The following KCND2 variants were observed in gnomAD, a reference collection of about 807,000 sequenced individuals.
The protein encoded by KCND2 is A-type voltage-gated potassium channel KCND2.
In KCND2, 16 loss-of-function variants were observed where a neutral mutation model predicts 54.4. That is an observed-to-expected ratio of 0.29 (90% CI 0.20 to 0.45). The LOEUF (loss-of-function observed/expected upper bound fraction) is 0.45. KCND2 is among the 20% of genes least tolerant of loss of function. The probability of loss-of-function intolerance (pLI) is 1.00; values close to 1 mark genes in which losing one functional copy is unlikely to be tolerated. For missense variants in KCND2, 486 were observed against 824.2 expected (o/e 0.59, Z 5.02); for synonymous variants, 317 against 310.7 (o/e 1.02, Z -0.21).
intron 1 of KCND2, among the ~76,000 whole-genome samples, chr7:120,713,243 A>G (rs1391950995): frequency 6.6e-6 from 1 of 152,158 alleles, no homozygotes; most frequent in East Asian, 1.9e-4. Context: ...ACCTTCATGC[A>G]CCAACTCAGC....
intron 1 of KCND2, among the ~76,000 whole-genome samples, chr7:120,607,782 TA>T (rs1222636863): frequency 6.6e-6 from 1 of 152,096 alleles, no homozygotes; most frequent in Non-Finnish European, 1.5e-5. Context: ...GTGTAAATTC[TA>T]GATATAGCAT....
chr7:120,608,429 G>T (rs1056710698), intron 1 of KCND2, among the ~76,000 whole-genome samples: 5 of 152,046 alleles, frequency 3.3e-5, no homozygotes, highest in Non-Finnish European at 5.9e-5. Context: ...AAAATGTAAT[G>T]GTATTGCCAC....
At chr7:120,314,172 C>A (rs1189245945) in intron 1 of KCND2, among the ~76,000 whole-genome samples, 1 of 151,448 alleles carries the variant, frequency 6.6e-6, no homozygotes, top group Non-Finnish European at 1.5e-5. Context: ...GAGAAATATT[C>A]AGATTCAGTG....
At chr7:120,359,598 A>G (rs1800563682) in intron 1 of KCND2, among the ~76,000 whole-genome samples, 1 of 152,164 alleles carries the variant, frequency 6.6e-6, no homozygotes, top group Non-Finnish European at 1.5e-5. Context: ...TACCAACTAT[A>G]AATTAAGAAG....
intron 1 of KCND2, among the ~76,000 whole-genome samples, chr7:120,674,869 T>C (rs969699049): frequency 6.6e-6 from 1 of 152,162 alleles, no homozygotes; most frequent in Non-Finnish European, 1.5e-5. Flanking sequence ...AAAAGTAAAA[T>C]AGTAAAGTAT....
intron 1 of KCND2, among the ~76,000 whole-genome samples, chr7:120,493,689 T>G (rs1192079368): frequency 6.6e-6 from 1 of 152,054 alleles, no homozygotes; most frequent in African/African-American, 2.4e-5. Flanking sequence ...ACCTGCTTGA[T>G]TTGCAAAAAT....
chr7:120,362,470 C>T (rs539199218), intron 1 of KCND2, among the ~76,000 whole-genome samples: 2 of 152,170 alleles, frequency 1.3e-5, no homozygotes, highest in Non-Finnish European at 2.9e-5. Context: ...ACAGTGGTGA[C>T]CCTATGCTAA....
Position 120,742,511 on chromosome 7 carries a change from C to T in KCND2, c.1376C>T (p.Ser459Phe), listed in dbSNP as rs1201273040. The change falls in exon 4 of 6, where the codon TCC (serine) becomes TTC (phenylalanine). Residue 459 changes from serine (S) to phenylalanine (F), a missense_variant and splice_region_variant. Around this residue, in one of 7 missense-constraint regions of KCND2, gnomAD observed 202 missense variants for 252.7 expected, o/e 0.80. Coordinates refer to ENST00000331113, the MANE Select transcript of KCND2 (RefSeq NM_012281.3). The stretch of plus-strand genomic sequence containing the variant: ...CTTCTGTCTTCTCTTTGTTAACAGT[C>T]CTCAGAGGATGAGCAGGCTTTTGTT... ...RNGLLSNQLQSSEDEQAFVSK... is the reference protein window; with the variant it reads ...RNGLLSNQLQFSEDEQAFVSK... The T allele has an allele frequency of 6.2e-7, 1 of 1,612,852 alleles. No individual in the cohort carries two copies. Among genetic ancestry groups the T allele is most frequent in the Non-Finnish European group, 8.5e-7 (1 of 1,178,946 alleles).
intron 1 of KCND2, among the ~76,000 whole-genome samples, chr7:120,552,638 C>G (rs1792116921): frequency 6.6e-6 from 1 of 152,308 alleles, no homozygotes; most frequent in East Asian, 1.9e-4. Flanking sequence ...ATCGGGATTC[C>G]TCCTGGTGTC....
intron 1 of KCND2, among the ~76,000 whole-genome samples, chr7:120,691,924 GT>G (rs1415115784): frequency 1.3e-5 from 2 of 152,162 alleles, no homozygotes; most frequent in East Asian, 3.9e-4. Flanking sequence ...GAAAGAAAAT[GT>G]TTCAAGGAGG....
chr7:120,677,402 A>C (rs986651348), intron 1 of KCND2, among the ~76,000 whole-genome samples: 1 of 151,992 alleles, frequency 6.6e-6, no homozygotes, highest in Non-Finnish European at 1.5e-5. Flanking sequence ...TGATGAACAG[A>C]CCATTTGTGA....
intron 1 of KCND2, among the ~76,000 whole-genome samples, chr7:120,517,956 C>G (rs1477843892): frequency 6.6e-6 from 1 of 152,124 alleles, no homozygotes; most frequent in Non-Finnish European, 1.5e-5. Context: ...TCTGCATTCC[C>G]TACAGTTACC....
At chr7:120,659,552 T>C (rs1294765687) in intron 1 of KCND2, among the ~76,000 whole-genome samples, 1 of 152,218 alleles carries the variant, frequency 6.6e-6, no homozygotes, top group Admixed American at 6.5e-5. Context: ...CTCATACATT[T>C]ACATTGCAAT....
chr7:120,678,653 CAT>C (rs1386415552), intron 1 of KCND2, among the ~76,000 whole-genome samples: 1 of 146,736 alleles, frequency 6.8e-6, no homozygotes, highest in African/African-American at 2.5e-5. Context: ...CATATATACA[CAT>C]ACACACACAT....
At chr7:120,543,460 G>A (rs1046795489) in intron 1 of KCND2, among the ~76,000 whole-genome samples, 3 of 151,974 alleles carry the variant, frequency 2.0e-5, no homozygotes, top group Non-Finnish European at 4.4e-5. Context: ...TGTCACATTT[G>A]CACTTTACAG....
intron 1 of KCND2, among the ~76,000 whole-genome samples, chr7:120,657,489 C>T (rs78915433): frequency 6.6e-6 from 1 of 152,076 alleles, no homozygotes; most frequent in Non-Finnish European, 1.5e-5. Flanking sequence ...CTAGTTCACA[C>T]AAAAGATTGA....
intron 1 of KCND2, among the ~76,000 whole-genome samples, chr7:120,609,127 C>G (rs1447901427): frequency 6.6e-6 from 1 of 151,002 alleles, no homozygotes; most frequent in East Asian, 1.9e-4. Flanking sequence ...TTTTTTTTTT[C>G]TGTACAGTTA....
intron 1 of KCND2, among the ~76,000 whole-genome samples, chr7:120,585,588 G>A (rs1792587685): frequency 6.6e-6 from 1 of 152,088 alleles, no homozygotes; most frequent in Non-Finnish European, 1.5e-5. Context: ...AAGTAGGTCA[G>A]AGATCACACA....
intron 1 of KCND2, among the ~76,000 whole-genome samples, chr7:120,710,040 A>G (rs1245263458): frequency 6.6e-6 from 1 of 152,170 alleles, no homozygotes; most frequent in Non-Finnish European, 1.5e-5. Flanking sequence ...TTATGAGCTT[A>G]CACACCCAGG....
Sources: allele counts gnomAD v4.1 joint callset (sites outside exome capture counted in the v4.1 genomes callset), GRCh38; gene constraint gnomAD v4.1.1; regional missense constraint gnomAD v4.1.1; transcripts MANE v1.5; gene names NCBI Gene and HGNC (gene_info 2026-07-23, HGNC 2026-07-21).